EDIL3: variants seen among roughly 807,000 people sequenced by gnomAD.
EDIL3 encodes the protein EGF-like repeat and discoidin I-like domain-containing protein 3.
Under a neutral mutation model 67.4 loss-of-function variants are expected in EDIL3, and 37 were observed. That is an observed-to-expected ratio of 0.55 (90% CI 0.42 to 0.72). The LOEUF (loss-of-function observed/expected upper bound fraction) is 0.72. EDIL3 is among the 30% of genes least tolerant of loss of function. The probability of loss-of-function intolerance (pLI) is 0.00; values close to 1 mark genes in which losing one functional copy is unlikely to be tolerated. For missense variants in EDIL3, 527 were observed against 586.3 expected, an observed-to-expected ratio of 0.90 and a Z score of 1.04; for synonymous variants, 195 against 196.3, an observed-to-expected ratio of 0.99 and a Z score of 0.05.
intron 10 of EDIL3, 35 bp downstream of exon 10, chr5:83,963,170 C>CT: frequency 8.9e-6 from 14 of 1,569,556 alleles, no homozygotes; most frequent in Non-Finnish European, 1.2e-5. Flanking sequence ...TGATCCTCCA[C>CT]TTCTGAACTT....
At chr5:84,067,138 C>A (rs1746656856) in intron 6 of EDIL3, among the ~76,000 whole-genome samples, 1 of 152,124 alleles carries the variant, frequency 6.6e-6, no homozygotes, top group Admixed American at 6.5e-5. Context: ...CCTTAAGTTT[C>A]TGGATCTTTA....
At chr5:84,194,597 A>C (rs1743661108) in intron 3 of EDIL3, among the ~76,000 whole-genome samples, 1 of 151,958 alleles carries the variant, frequency 6.6e-6, no homozygotes, top group Non-Finnish European at 1.5e-5. Flanking sequence ...TTGCAAACCC[A>C]ATTAAAAATG....
chr5:84,352,060 G>T (rs887009872), intron 1 of EDIL3, among the ~76,000 whole-genome samples: 5 of 151,960 alleles, frequency 3.3e-5, no homozygotes, highest in Non-Finnish European at 5.9e-5. Context: ...AATCAACAGA[G>T]AAATGCAAAT....
rs1217129756 is a variant in EDIL3 at position 83,941,886 on chromosome 5, T to C, written c.*1533A>G. 1 of 152,006 alleles carries C rather than the reference T, an allele frequency of 6.6e-6. No individual in the cohort carries two copies. The highest frequency in any genetic ancestry group is 1.5e-5 in the Non-Finnish European group (1 of 67,926). The allele number at this position is 152,006 out of a possible 1,614,324, so 9.4% of individuals were successfully genotyped here. A position where few individuals can be genotyped will look rare whatever the true frequency, so the allele number is the denominator to read the frequency against. On this transcript the variant is annotated 3_prime_UTR_variant, in exon 11 of 11. Coordinates refer to ENST00000296591, the MANE Select transcript of EDIL3 (RefSeq NM_005711.5). ...CTATGATTGAAGACCACTCCATATA[T>C]ACATCATTAAGAAATGCTGTTAACA...
At chr5:84,044,007 G>C (rs1746176986) in intron 9 of EDIL3, among the ~76,000 whole-genome samples, 1 of 152,050 alleles carries the variant, frequency 6.6e-6, no homozygotes, top group African/African-American at 2.4e-5. Context: ...CGTCATCTAG[G>C]TTTTAAGCCC....
At chr5:84,284,167 C>A (rs1402425147) in intron 1 of EDIL3, among the ~76,000 whole-genome samples, 19 of 152,140 alleles carry the variant, frequency 1.2e-4, no homozygotes, top group Non-Finnish European at 1.5e-5. Flanking sequence ...TTGTCACATT[C>A]ATTAGCCATT....
chr5:84,017,576 C>T (rs1399880823), intron 9 of EDIL3, among the ~76,000 whole-genome samples: 1 of 152,096 alleles, frequency 6.6e-6, no homozygotes, highest in African/African-American at 2.4e-5. Context: ...CACACCAGTG[C>T]ACATTATCAG....
chr5:84,156,054 T>C (rs1270382867), intron 4 of EDIL3, among the ~76,000 whole-genome samples: 2 of 152,170 alleles, frequency 1.3e-5, no homozygotes, highest in Non-Finnish European at 2.9e-5. Context: ...AGGGGGAGCA[T>C]AGGCTGGGAG....
At chr5:84,208,549 G>T (rs1171470771) in intron 3 of EDIL3, among the ~76,000 whole-genome samples, 1 of 151,260 alleles carries the variant, frequency 6.6e-6, no homozygotes, top group Non-Finnish European at 1.5e-5. Flanking sequence ...CGCGGTGGTG[G>T]GCGCCTGTAG....
At chr5:84,310,559 A>G (rs1223137747) in intron 1 of EDIL3, among the ~76,000 whole-genome samples, 1 of 152,156 alleles carries the variant, frequency 6.6e-6, no homozygotes, top group Non-Finnish European at 1.5e-5. Context: ...TTCTCATCTA[A>G]GCACTATGAG....
At chr5:84,290,987 A>C (rs1184350922) in intron 1 of EDIL3, among the ~76,000 whole-genome samples, 1 of 152,162 alleles carries the variant, frequency 6.6e-6, no homozygotes, top group Non-Finnish European at 1.5e-5. Flanking sequence ...CATTTAAACT[A>C]AAAATATTCT....
intron 6 of EDIL3, among the ~76,000 whole-genome samples, chr5:84,067,126 TC>T (rs1746656621): frequency 6.6e-6 from 1 of 152,168 alleles, no homozygotes; most frequent in South Asian, 2.1e-4. Flanking sequence ...CAAACAAGTA[TC>T]CCTTAAGTTT....
At chr5:84,011,057 G>C (rs953136223) in intron 9 of EDIL3, among the ~76,000 whole-genome samples, 2 of 152,182 alleles carry the variant, frequency 1.3e-5, no homozygotes, top group African/African-American at 4.8e-5. Flanking sequence ...ATGCTCCAGT[G>C]AGAACTTTTA....
chr5:84,168,090 T>C (rs970197992), intron 4 of EDIL3, among the ~76,000 whole-genome samples: 4 of 152,210 alleles, frequency 2.6e-5, no homozygotes, highest in Non-Finnish European at 5.9e-5. Flanking sequence ...GGCTATGGCA[T>C]AATTGCAAAA....
intron 3 of EDIL3, among the ~76,000 whole-genome samples, chr5:84,212,127 G>A (rs73140563): frequency 0.013 from 2,009 of 152,086 alleles, 45 homozygotes; most frequent in African/African-American, 0.047. Flanking sequence ...TTTATCTACT[G>A]ATACTATACA....
intron 4 of EDIL3, among the ~76,000 whole-genome samples, chr5:84,177,735 A>C (rs1261811778): frequency 6.6e-6 from 1 of 152,140 alleles, no homozygotes; most frequent in Admixed American, 6.6e-5. Context: ...TGTAAAAATT[A>C]AGTCTATTAA....
At chr5:84,079,407 C>T (rs1045265665) in intron 6 of EDIL3, among the ~76,000 whole-genome samples, 2 of 151,834 alleles carry the variant, frequency 1.3e-5, no homozygotes, top group East Asian at 1.9e-4. Flanking sequence ...TAACCTATGG[C>T]GTGTGCAGTA....
At chr5:84,284,639 A>G (rs1182200877) in intron 1 of EDIL3, among the ~76,000 whole-genome samples, 2 of 152,204 alleles carry the variant, frequency 1.3e-5, no homozygotes, top group Non-Finnish European at 2.9e-5. Flanking sequence ...CTTTTGACTA[A>G]GTAATGTTTC....
rs561239783 is a variant in EDIL3, at chr5:84,092,210, A to G, written c.651+14439T>C. Among the ~76,000 whole-genome samples the G allele has an allele frequency of 4.6e-5, 7 of 152,336 alleles. No individual in the cohort carries two copies. The East Asian group carries it at 1.3e-3, about 29-fold the overall frequency. On this transcript the variant is annotated intron_variant, in intron 6 of 10. Transcript: ENST00000296591. ...AATTTTGAATTTTTTTTATGATAAA[A>G]GCAAGTTGTTACCTTCAATCAATTC... is the stretch of plus-strand genomic sequence containing the variant.
Sources: gnomAD v4.1 joint callset for allele counts (sites outside exome capture counted in the v4.1 genomes callset) on GRCh38, gnomAD v4.1.1 for gene constraint, MANE v1.5 for transcripts, NCBI Gene and HGNC (gene_info 2026-07-23, HGNC 2026-07-21) for gene names.